The following DCUN1D4 variants were observed in gnomAD, a reference collection of about 807,000 sequenced individuals.
The protein encoded by DCUN1D4 is DCN1-like protein 4.
DCUN1D4 carries 22 observed loss-of-function variants against 47.9 expected under a neutral mutation model. The ratio of observed to expected loss-of-function variants is 0.46; its 90% confidence interval spans 0.33 to 0.66. The LOEUF is 0.66. Among genes scored for constraint, DCUN1D4 ranks in the 30% least tolerant of loss-of-function variants. The probability of loss-of-function intolerance (pLI) is 0.02; values close to 1 mark genes in which losing one functional copy is unlikely to be tolerated. For missense variants in DCUN1D4, 301 were observed against 340.8 expected, an observed-to-expected ratio of 0.88 and a Z score of 0.92; for synonymous variants, 121 against 112.2, an observed-to-expected ratio of 1.08 and a Z score of -0.50.
At chr4:51,840,268 A>C (rs1721596783), upstream of DCUN1D4, among the ~76,000 whole-genome samples, 1 of 152,246 alleles carries the variant, frequency 6.6e-6, no homozygotes, top group South Asian at 2.1e-4. Context: ...TGAGAAAAAA[A>C]AAAGTGAAGT....
intron 8 of DCUN1D4, chr4:51,905,188 G>C (rs780316253): frequency 6.6e-6 from 3 of 454,880 alleles, no homozygotes; most frequent in African/African-American, 2.0e-5. Flanking sequence ...CTTATTTATA[G>C]TTCTATATGA....
At chr4:51,912,753 A>C (rs549216820) in intron 9 of DCUN1D4, among the ~76,000 whole-genome samples, 1 of 152,182 alleles carries the variant, frequency 6.6e-6, no homozygotes, top group Admixed American at 6.5e-5. Flanking sequence ...AAGAACACCT[A>C]ATTTTGAGAC....
intron 1 of DCUN1D4, among the ~76,000 whole-genome samples, chr4:51,859,743 A>T (rs1036742446): frequency 1.3e-5 from 2 of 149,164 alleles, no homozygotes; most frequent in Admixed American, 6.8e-5. Context: ...CAAGCTATTT[A>T]TCAAGCAGGC....
intron 5 of DCUN1D4, among the ~76,000 whole-genome samples, chr4:51,883,181 G>C (rs1346463209): frequency 6.6e-6 from 1 of 152,212 alleles, no homozygotes; most frequent in Non-Finnish European, 1.5e-5. Flanking sequence ...CAGTGAAAAA[G>C]GCAAGGTGTA....
rs76677356 is a variant in DCUN1D4, at chr4:51,910,269, C to T, written c.616-801C>T. Reference sequence around the variant, plus strand: ...CTGGAATGGAAGCATATAAGAAAGACGGAAATGAGAAATTAGGATCCTTAA... The same window carrying T: ...CTGGAATGGAAGCATATAAGAAAGATGGAAATGAGAAATTAGGATCCTTAA... On this transcript the variant is annotated intron_variant, in intron 8 of 10. Coordinates refer to ENST00000334635, the MANE Select transcript of DCUN1D4 (RefSeq NM_001040402.3). Among the ~76,000 whole-genome samples, 1,051 of 152,214 alleles carry T rather than the reference C, an allele frequency of 6.9e-3. 10 individuals are homozygous for T. The highest frequency in any genetic ancestry group is 9.3e-3 in the Non-Finnish European group (633 of 68,004).
Position 51,863,494 on chromosome 4 carries a change from C to T in DCUN1D4, c.83C>T (p.Thr28Ile), listed in dbSNP as rs1725399167. The T allele has an allele frequency of 1.2e-6, 2 of 1,612,130 alleles. No individual in the cohort carries two copies. The highest frequency in any genetic ancestry group is 1.7e-5 in the Admixed American group (1 of 59,842). Residue 28 changes from threonine (T) to isoleucine (I), a missense_variant, in exon 2 of 11, where the codon ACC (threonine) becomes ATC (isoleucine). Thr to Ile is a moderately conservative substitution (Grantham distance 89). This residue lies in a region of DCUN1D4 where 131 missense variants were observed against 106.3 expected (regional missense o/e 1.23). Coordinates refer to ENST00000334635, the MANE Select transcript of DCUN1D4 (RefSeq NM_001040402.3). The stretch of plus-strand genomic sequence containing the variant: ...GCAAATATTCATAAGATCTACCACA[C>T]CCTTAATAAGCTGGTAAGTCATTCT... ...TLANIHKIYHTLNKLNLTEDI... is the reference protein window; with the variant it reads ...TLANIHKIYHILNKLNLTEDI...
chr4:51,896,859 G>T lies in DCUN1D4; in HGVS notation c.507-2411G>T, dbSNP rs557302661. 1.6e-4 allele frequency among the ~76,000 whole-genome samples: 24 copies of T among 152,240 alleles called. No individual in the cohort carries two copies. In the East Asian group the frequency reaches 4.4e-3, roughly 28 times the overall value. Reference sequence around the variant, plus strand: ...CTCATAGTGGCAGGTGGCCTCCATTGTTCCTAGGATGTAATTTTAAAAACC... The same window carrying T: ...CTCATAGTGGCAGGTGGCCTCCATTTTTCCTAGGATGTAATTTTAAAAACC... On this transcript the variant is annotated intron_variant, in intron 7 of 10. Transcript: ENST00000334635.
chr4:51,913,616 T>A lies in DCUN1D4; in HGVS notation c.*32T>A, dbSNP rs1312763467. On this transcript the variant is annotated 3_prime_UTR_variant, in exon 11 of 11. Coordinates refer to ENST00000334635, the MANE Select transcript of DCUN1D4 (RefSeq NM_001040402.3). ...ATGCATAGCAGCGAGAGAGTCACTGTTACCACAGTTTTGTCACCCATTAGC... is the reference window on the plus strand; with the variant it reads ...ATGCATAGCAGCGAGAGAGTCACTGATACCACAGTTTTGTCACCCATTAGC... 6.3e-7 allele frequency: 1 copy of A among 1,598,194 alleles called. No homozygotes were observed. The highest frequency in any genetic ancestry group is 1.7e-5 in the Admixed American group (1 of 59,604).
chr4:51,872,629 G>A (rs879551395), intron 3 of DCUN1D4, among the ~76,000 whole-genome samples: 4 of 152,124 alleles, frequency 2.6e-5, no homozygotes, highest in Non-Finnish European at 4.4e-5. Context: ...CTTTTCCCAG[G>A]GCTCTGTCCT....
At chr4:51,888,149 C>T (rs998147521) in intron 6 of DCUN1D4, among the ~76,000 whole-genome samples, 1 of 152,008 alleles carries the variant, frequency 6.6e-6, no homozygotes, top group Non-Finnish European at 1.5e-5. Context: ...AGAGGGGCTC[C>T]GGAGGTTCCA....
chr4:51,909,722 TAAG>T (rs1420838842), intron 8 of DCUN1D4, among the ~76,000 whole-genome samples: 5 of 152,174 alleles, frequency 3.3e-5, no homozygotes, highest in Non-Finnish European at 5.9e-5. Flanking sequence ...TCATCAGACT[TAAG>T]TTATGTGACC....
upstream of DCUN1D4, among the ~76,000 whole-genome samples, chr4:51,840,301 A>T (rs922189171): frequency 2.0e-5 from 3 of 152,230 alleles, no homozygotes; most frequent in East Asian, 5.8e-4. Flanking sequence ...ATTGAAAAAA[A>T]TCCTGAATGA....
intron 6 of DCUN1D4, among the ~76,000 whole-genome samples, chr4:51,889,512 CT>C (rs1577990195): frequency 6.6e-6 from 1 of 152,152 alleles, no homozygotes. Flanking sequence ...TTTTTATGAA[CT>C]TTCCCATTAT....
At chr4:51,855,034 T>A (rs941611856) in intron 1 of DCUN1D4, among the ~76,000 whole-genome samples, 2 of 152,110 alleles carry the variant, frequency 1.3e-5, no homozygotes, top group African/African-American at 4.8e-5. Context: ...CCAAAAGATA[T>A]TGGGATAGAG....
Position 51,863,710 on chromosome 4 carries a change from G to GT in DCUN1D4, c.136+2dup. ...ATTGGCCAAGACGATCACCAAACAG[G>GT]TATCTGTAAATGCTAACACTACTTA... On this transcript the variant is annotated splice_donor_variant, in intron 3 of 10. Transcript: ENST00000334635. LOFTEE classifies it high-confidence loss of function. 6.2e-7 allele frequency: 1 copy of GT among 1,612,706 alleles called. No homozygotes were observed. The highest frequency in any genetic ancestry group is 8.5e-7 in the Non-Finnish European group (1 of 1,179,528).
At chr4:51,890,639 G>A (rs550762972) in intron 6 of DCUN1D4, among the ~76,000 whole-genome samples, 28 of 152,152 alleles carry the variant, frequency 1.8e-4, no homozygotes, top group Non-Finnish European at 3.1e-4. Context: ...TACCTTTTTA[G>A]GACTGACATT....
chr4:51,903,197 C>A (rs995668376), intron 8 of DCUN1D4, among the ~76,000 whole-genome samples: 1 of 151,978 alleles, frequency 6.6e-6, no homozygotes, highest in Non-Finnish European at 1.5e-5. Context: ...AAAAAACTTT[C>A]TTTAATGTTT....
chr4:51,907,542 G>GT (rs1733085359), intron 8 of DCUN1D4, among the ~76,000 whole-genome samples: 2 of 152,118 alleles, frequency 1.3e-5, no homozygotes, highest in Admixed American at 1.3e-4. Flanking sequence ...TTGATTTCAT[G>GT]TACCAATTTC....
intron 8 of DCUN1D4, chr4:51,909,039 A>G (rs745994869): frequency 8.8e-6 from 4 of 455,684 alleles, no homozygotes; most frequent in South Asian, 6.2e-5. Flanking sequence ...GTGTTTTGGC[A>G]TCACTGCCAA....
Sources: allele counts gnomAD v4.1 joint callset (sites outside exome capture counted in the v4.1 genomes callset), GRCh38; gene constraint gnomAD v4.1.1; regional missense constraint gnomAD v4.1.1; transcripts MANE v1.5; gene names NCBI Gene and HGNC (gene_info 2026-07-23, HGNC 2026-07-21).